Variants in PHTF1 observed in about 807,000 individuals in gnomAD.
PHTF1 encodes the protein protein PHTF1.
Under a neutral mutation model 102.4 loss-of-function variants are expected in PHTF1, and 88 were observed. The ratio of observed to expected loss-of-function variants is 0.86; its 90% CI spans 0.72 to 1.03. The LOEUF is 1.03. PHTF1 is among the 50% of genes least tolerant of loss of function. PHTF1 has a pLI of 0.00. For missense variants in PHTF1, 814 were observed against 909.5 expected, an observed-to-expected ratio of 0.89 and a Z score of 1.35; for synonymous variants, 289 against 305.2, an observed-to-expected ratio of 0.95 and a Z score of 0.55.
rs1651145757 is a variant in PHTF1 at position 113,711,840 on chromosome 1, CA to C, written c.958-6del. On this transcript the variant is annotated splice_region_variant and splice_polypyrimidine_tract_variant and intron_variant, in intron 9 of 18. Transcript: ENST00000369604. ...CCTTGTAGTGGTTTTCTTTACCTGC[CA>C]AAAATCAAACCAACAAGCAATAGGA... 2 of 1,612,222 alleles carry C rather than the reference CA, an allele frequency of 1.2e-6. No homozygotes were observed. Among genetic ancestry groups the C allele is most frequent in the Admixed American group, 3.3e-5 (2 of 59,970 alleles).
intron 3 of PHTF1, 24 bp from the exon 4 acceptor site, chr1:113,738,823 A>G (rs1655917975): frequency 6.8e-7 from 1 of 1,463,078 alleles, no homozygotes; most frequent in East Asian, 2.3e-5. Context: ...AAACAAAAAT[A>G]AAATCAGAAA....
At chr1:113,747,199 C>G (rs1301277156) in intron 3 of PHTF1, among the ~76,000 whole-genome samples, 2 of 152,150 alleles carry the variant, frequency 1.3e-5, no homozygotes, top group Non-Finnish European at 2.9e-5. Context: ...TTTGTTACAT[C>G]AATGTTTAGA....
intron 3 of PHTF1, among the ~76,000 whole-genome samples, chr1:113,743,827 T>TA (rs1656791616): frequency 6.6e-6 from 1 of 152,236 alleles, no homozygotes; most frequent in African/African-American, 2.4e-5. Context: ...TTGACTCATT[T>TA]AATCCTCACA....
intron 5 of PHTF1, among the ~76,000 whole-genome samples, chr1:113,727,460 C>T (rs143670734): frequency 2.2e-4 from 33 of 152,318 alleles, no homozygotes; most frequent in African/African-American, 7.5e-4. Flanking sequence ...AGAATAGACA[C>T]TCAATATTTG....
rs371256978 is a variant in PHTF1, at chr1:113,726,351, G to A, written c.488+67C>T. Reference sequence around the variant, plus strand: ...AGAGGGAGATTTTAAATTAATCAAAGGTTTTATAAATCTCTACAATAACTC... The same window carrying A: ...AGAGGGAGATTTTAAATTAATCAAAAGTTTTATAAATCTCTACAATAACTC... On this transcript the variant is annotated intron_variant, in intron 6 of 18. Coordinates refer to ENST00000369604, the MANE Select transcript of PHTF1 (RefSeq NM_001323043.2). 7.6e-6 allele frequency: 9 copies of A among 1,191,562 alleles called. No homozygotes were observed. In the East Asian group the frequency reaches 1.0e-4, roughly 14 times the overall value. 73.8% of individuals were successfully genotyped at this position (1,191,562 alleles called of 1,614,324 possible).
At chr1:113,733,527 G>A (rs1457432534) in intron 5 of PHTF1, among the ~76,000 whole-genome samples, 1 of 152,068 alleles carries the variant, frequency 6.6e-6, no homozygotes, top group Admixed American at 6.6e-5. Context: ...TAATGTGATC[G>A]TATTAGGAGA....
At chr1:113,743,429 T>C (rs979317059) in intron 3 of PHTF1, among the ~76,000 whole-genome samples, 1 of 152,172 alleles carries the variant, frequency 6.6e-6, no homozygotes, top group African/African-American at 2.4e-5. Context: ...GAATACCTCC[T>C]GAAGGACCTA....
At chr1:113,699,401 G>C (rs1649193402) in intron 17 of PHTF1, 2 of 514,602 alleles carry the variant, frequency 3.9e-6, no homozygotes, top group Admixed American at 2.4e-5. Flanking sequence ...CCTTGAACCT[G>C]GTCCTTGATG....
At chr1:113,721,411 AG>A (rs1250464276) in intron 7 of PHTF1, among the ~76,000 whole-genome samples, 1 of 152,180 alleles carries the variant, frequency 6.6e-6, no homozygotes, top group African/African-American at 2.4e-5. Context: ...ATACTGAATG[AG>A]GAAAAACTGA....
intron 11 of PHTF1, among the ~76,000 whole-genome samples, chr1:113,708,728 G>A (rs1650596203): frequency 6.6e-6 from 1 of 152,108 alleles, no homozygotes. Context: ...TAGGCTACGT[G>A]AACAGGATTG....
intron 11 of PHTF1, 28 bp downstream of exon 11, chr1:113,710,226 T>C (rs768435410): frequency 2.0e-6 from 3 of 1,483,414 alleles, no homozygotes; most frequent in African/African-American, 1.4e-5. Flanking sequence ...CAATAAATAC[T>C]AGCTATTCTT....
At chr1:113,736,031 T>C (rs1655432944) in intron 5 of PHTF1, among the ~76,000 whole-genome samples, 1 of 151,924 alleles carries the variant, frequency 6.6e-6, no homozygotes, top group Non-Finnish European at 1.5e-5. Flanking sequence ...GACTAGAGGG[T>C]ATTAGGACTA....
At chr1:113,750,080 A>T (rs1218877338) in intron 3 of PHTF1, among the ~76,000 whole-genome samples, 1 of 151,872 alleles carries the variant, frequency 6.6e-6, no homozygotes, top group African/African-American at 2.4e-5. Flanking sequence ...CCACAGCCTC[A>T]AACTCCTGGG....
At chr1:113,720,697 T>C (rs1186083899) in intron 7 of PHTF1, among the ~76,000 whole-genome samples, 1 of 152,230 alleles carries the variant, frequency 6.6e-6, no homozygotes, top group African/African-American at 2.4e-5. Flanking sequence ...TCTACCATTC[T>C]GGGGTCTTGA....
intron 18 of PHTF1, 60 bp from the exon 19 acceptor site, chr1:113,697,785 G>T (rs1648953603): frequency 1.7e-6 from 2 of 1,163,464 alleles, no homozygotes; most frequent in African/African-American, 1.5e-5. Context: ...GGATTTATAG[G>T]TACACTTACA....
At chr1:113,700,240 G>A (rs562240827) in intron 16 of PHTF1, 21 of 763,584 alleles carry the variant, frequency 2.8e-5, no homozygotes, top group East Asian at 1.3e-4. Context: ...TCTCCATTAC[G>A]ATTCTAAGAC....
At chr1:113,721,062 G>A (rs1463679612) in intron 7 of PHTF1, among the ~76,000 whole-genome samples, 2 of 152,162 alleles carry the variant, frequency 1.3e-5, no homozygotes, top group African/African-American at 4.8e-5. Context: ...CCAAGATCAT[G>A]CCACTGCACT....
intron 7 of PHTF1, among the ~76,000 whole-genome samples, chr1:113,719,504 T>C (rs1321218535): frequency 6.6e-6 from 1 of 152,178 alleles, no homozygotes; most frequent in Admixed American, 6.5e-5. Context: ...AGGGGCAAAA[T>C]GCCACCAGTC....
intron 2 of PHTF1, among the ~76,000 whole-genome samples, chr1:113,758,197 C>CT (rs1659166393): frequency 7.3e-6 from 1 of 136,156 alleles, no homozygotes; most frequent in African/African-American, 2.6e-5. Flanking sequence ...CGCCATCGCC[C>CT]TCCAGCCTGG....
Sources: gnomAD v4.1 joint callset for allele counts (sites outside exome capture counted in the v4.1 genomes callset) on GRCh38, gnomAD v4.1.1 for gene constraint, MANE v1.5 for transcripts, NCBI Gene and HGNC (gene_info 2026-07-23, HGNC 2026-07-21) for gene names.